Variants in HMCN1 observed in about 807,000 individuals in gnomAD.
HMCN1 encodes the protein hemicentin-1.
Under a neutral mutation model 625.9 loss-of-function variants are expected in HMCN1, and 321 were observed. The observed-to-expected ratio is 0.51, with a 90% CI of 0.47 to 0.56. HMCN1 has a LOEUF of 0.56. HMCN1 is among the 20% of genes least tolerant of loss of function. HMCN1 has a pLI of 0.00. For synonymous variants in HMCN1, 2,425 were observed against 2,417.6 expected, an observed-to-expected ratio of 1.00 and a Z score of -0.09; for missense variants, 6,588 against 6,887.3, an observed-to-expected ratio of 0.96 and a Z score of 1.54.
At chr1:185,949,649 A>G (rs1239707857) in intron 11 of HMCN1, among the ~76,000 whole-genome samples, 2 of 151,942 alleles carry the variant, frequency 1.3e-5, no homozygotes, top group Non-Finnish European at 2.9e-5. Context: ...TGAGGTGGGA[A>G]GGCTAAACTG....
chr1:185,846,032 G>A lies in HMCN1; in HGVS notation c.275G>A (p.Gly92Asp). 2 of 1,603,744 alleles carry A rather than the reference G, an allele frequency of 1.2e-6. No individual in the cohort carries two copies. Among genetic ancestry groups the A allele is most frequent in the Non-Finnish European group, 1.7e-6 (2 of 1,170,986 alleles). The change falls in exon 2 of 107, where the codon GGC becomes GAC. Residue 92 changes from glycine (G) to aspartate (D), a missense_variant. This residue lies in a region of HMCN1 where 4,628 missense variants were observed against 4,853.1 expected (regional missense o/e 0.95). Transcript: ENST00000271588. ...ALVPFHDPEI[G>D]PVTITTDPKK... ...GTTATTTTTATCTTCACAGAAATTG[G>A]CCCAGTGACAATTACCACAGATCCC...
chr1:186,117,687 C>A, intron 77 of HMCN1, 64 bp downstream of exon 77: 1 of 1,474,788 alleles, frequency 6.8e-7, no homozygotes, highest in Non-Finnish European at 9.5e-7. Context: ...ATATTCTTAC[C>A]TGGCCTTTGT....
In HMCN1 at chr1:186,087,611, C is replaced by T; in HGVS notation, c.9329C>T (p.Ala3110Val). Residue 3110 changes from alanine to valine, a missense_variant, in exon 60 of 107, where the codon GCT becomes GTT. Physicochemically the swap from Ala to Val is moderately conservative, Grantham distance 64. Transcript: ENST00000271588. ...GAGTCTACTCATGTGGAGATTTTAG[C>T]TGATGGACAAATGCTACACATTAAG... ...ITESTHVEILADGQMLHIKKA... is the reference protein window; with the variant it reads ...ITESTHVEILVDGQMLHIKKA... The T allele has an allele frequency of 1.2e-6, 2 of 1,613,196 alleles. No individual in the cohort carries two copies. Among genetic ancestry groups the T allele is most frequent in the Non-Finnish European group, 1.7e-6 (2 of 1,179,406 alleles).
chr1:185,982,963 A>G (rs2102005510), intron 18 of HMCN1, among the ~76,000 whole-genome samples: 1 of 152,176 alleles, frequency 6.6e-6, no homozygotes, highest in Non-Finnish European at 1.5e-5. Flanking sequence ...AACTTTTTTC[A>G]GAATATAGAA....
At chr1:186,110,974 A>ATTTTTTTTTTTTTTTTTTTTTT (rs778503338) in intron 71 of HMCN1, among the ~76,000 whole-genome samples, 16 of 59,938 alleles carry the variant, frequency 2.7e-4, no homozygotes, top group African/African-American at 9.3e-4. Context: ...ACCAGAGAAA[A>ATTTTTTTTTTTTTTTTTTTTTT]TTCTTTTTTT....
intron 97 of HMCN1, among the ~76,000 whole-genome samples, chr1:186,159,017 T>C (rs1427545572): frequency 6.6e-6 from 1 of 152,198 alleles, no homozygotes; most frequent in Non-Finnish European, 1.5e-5. Context: ...TAAATTACCT[T>C]GGGCAGTATG....
chr1:186,107,231 G>C (rs910326569), intron 70 of HMCN1, among the ~76,000 whole-genome samples: 5 of 152,106 alleles, frequency 3.3e-5, no homozygotes, highest in Admixed American at 2.6e-4. Context: ...GACTACAGGT[G>C]CCTGCCACCA....
intron 1 of HMCN1, among the ~76,000 whole-genome samples, chr1:185,779,680 A>T (rs766743845): frequency 5.3e-5 from 8 of 151,930 alleles, no homozygotes. Flanking sequence ...TATTACTGAG[A>T]GCTCTGTTCT....
chr1:185,777,491 C>A (rs999114106), intron 1 of HMCN1, among the ~76,000 whole-genome samples: 1 of 151,496 alleles, frequency 6.6e-6, no homozygotes, highest in Non-Finnish European at 1.5e-5. Flanking sequence ...CTCGCTCTGT[C>A]GCCAGGCTGG....
At chr1:185,922,232 A>G in intron 6 of HMCN1, 147 bp from the exon 7 acceptor site, 1 of 860,112 alleles carries the variant, frequency 1.2e-6, no homozygotes, top group Non-Finnish European at 2.0e-6. Context: ...ATAGAATCCT[A>G]GTTATGTTGA....
chr1:186,086,101 G>T, intron 57 of HMCN1, 145 bp from the exon 58 acceptor site: 1 of 731,644 alleles, frequency 1.4e-6, no homozygotes, highest in East Asian at 2.7e-5. Context: ...GAAGGCATTA[G>T]GGAATTGTAA....
chr1:186,050,864 C>T lies in HMCN1; in HGVS notation c.6577+2025C>T, dbSNP rs562808516. Among the ~76,000 whole-genome samples, 17 of 152,162 alleles carry T rather than the reference C, an allele frequency of 1.1e-4. No homozygotes were observed. In the South Asian group the frequency reaches 3.5e-3, roughly 32 times the overall value. On this transcript the variant is annotated intron_variant, in intron 42 of 106. Coordinates refer to ENST00000271588, the MANE Select transcript of HMCN1 (RefSeq NM_031935.3). ...AGACAATGATGTTGTTCTCACGGAACTTATAGTTGGCTGGTGGAGAAATAT... is the reference window on the plus strand; with the variant it reads ...AGACAATGATGTTGTTCTCACGGAATTTATAGTTGGCTGGTGGAGAAATAT...
At position 186,093,558 on chromosome 1, in the gene HMCN1, T is replaced by C. The variant is rs568878203; in HGVS notation, c.10085T>C (p.Ile3362Thr). Residue 3362 changes from isoleucine (I) to threonine (T), a missense_variant, in exon 66 of 107, where the codon ATT becomes ACT. By Grantham distance (89) the Ile-to-Thr change is moderately conservative. Coordinates refer to ENST00000271588, the MANE Select transcript of HMCN1 (RefSeq NM_031935.3). ...ACTTTAGTGGATACTTCAATAAATATTGAATGCAGAGCCACAGGGACGCCT... is the reference window on the plus strand; with the variant it reads ...ACTTTAGTGGATACTTCAATAAATACTGAATGCAGAGCCACAGGGACGCCT... Reference protein sequence around the residue: ...LMTLVDTSINIECRATGTPPP... With the variant: ...LMTLVDTSINTECRATGTPPP... The C allele has an allele frequency of 6.2e-6, 10 of 1,613,484 alleles. No homozygotes were observed. Among genetic ancestry groups the C allele is most frequent in the South Asian group, 4.4e-5 (4 of 91,078 alleles).
At chr1:185,931,419 A>T (rs746966501) in intron 10 of HMCN1, among the ~76,000 whole-genome samples, 5 of 152,136 alleles carry the variant, frequency 3.3e-5, no homozygotes, top group Admixed American at 1.3e-4. Flanking sequence ...ATTTATTCAC[A>T]TATGCCTAAA....
At chr1:185,786,944 CT>C (rs1229247319) in intron 1 of HMCN1, among the ~76,000 whole-genome samples, 3 of 152,142 alleles carry the variant, frequency 2.0e-5, no homozygotes, top group Non-Finnish European at 4.4e-5. Context: ...ATGGGACATG[CT>C]TTTTTGCCTT....
chr1:185,877,548 C>T (rs184730993), intron 4 of HMCN1, among the ~76,000 whole-genome samples: 113 of 151,382 alleles, frequency 7.5e-4, no homozygotes, highest in South Asian at 4.2e-4. Context: ...GCATATTGCT[C>T]TGGGCATTAT....
At chr1:186,142,962 A>G (rs1473845967) in intron 89 of HMCN1, among the ~76,000 whole-genome samples, 1 of 152,194 alleles carries the variant, frequency 6.6e-6, no homozygotes, top group Non-Finnish European at 1.5e-5. Flanking sequence ...CATACAGTCA[A>G]TATTTGAGGG....
At chr1:186,091,548 C>T (rs1659842840) in intron 64 of HMCN1, among the ~76,000 whole-genome samples, 1 of 151,852 alleles carries the variant, frequency 6.6e-6, no homozygotes, top group Non-Finnish European at 1.5e-5. Context: ...ATGGTTTGTC[C>T]AAATCCCATT....
chr1:186,015,059 A>G, intron 30 of HMCN1, 100 bp from the exon 31 acceptor site: 1 of 1,071,010 alleles, frequency 9.3e-7, no homozygotes, highest in South Asian at 1.3e-5. Context: ...ATTGTCTTTA[A>G]TTTACTTTAA....
Sources: allele counts gnomAD v4.1 joint callset (sites outside exome capture counted in the v4.1 genomes callset), GRCh38; gene constraint gnomAD v4.1.1; regional missense constraint gnomAD v4.1.1; transcripts MANE v1.5; gene names NCBI Gene and HGNC (gene_info 2026-07-23, HGNC 2026-07-21).